TAMM41: variants seen among roughly 807,000 people sequenced by gnomAD.
TAMM41 encodes the protein phosphatidate cytidylyltransferase, mitochondrial.
A neutral mutation model predicts 44.1 loss-of-function variants in TAMM41; 36 were observed. That is an observed-to-expected ratio of 0.82 (90% CI 0.63 to 1.08). The LOEUF is 1.08. Ranked by LOEUF, TAMM41 falls within the 50% of genes least tolerant of loss-of-function variation. The pLI is 0.00. For synonymous variants in TAMM41, 164 were observed against 153.1 expected (o/e 1.07, Z -0.53); for missense variants, 417 against 404.3 (o/e 1.03, Z -0.27).
intron 3 of TAMM41, among the ~76,000 whole-genome samples, chr3:11,836,211 G>A (rs546507895): frequency 2.0e-5 from 3 of 152,022 alleles, no homozygotes; most frequent in Admixed American, 6.5e-5. Flanking sequence ...GGCTGTTCTC[G>A]AACTCTTGGC....
chr3:11,819,425 C>T (rs1156435555), intron 4 of TAMM41, among the ~76,000 whole-genome samples: 2 of 152,162 alleles, frequency 1.3e-5, no homozygotes, highest in South Asian at 2.1e-4. Flanking sequence ...TAAAAATATA[C>T]TACATATATA....
At chr3:11,842,989 A>G (rs2079519262) in intron 2 of TAMM41, among the ~76,000 whole-genome samples, 1 of 152,198 alleles carries the variant, frequency 6.6e-6, no homozygotes, top group Non-Finnish European at 1.5e-5. Flanking sequence ...AAGACAGTTC[A>G]GCAAAGTTCC....
chr3:11,730,681 C>T, the TAMM41 span, among the ~76,000 whole-genome samples: 1 of 152,208 alleles, frequency 6.6e-6, no homozygotes, highest in African/African-American at 2.4e-5. Flanking sequence ...TTGCAGTGAG[C>T]TGAGATCACG....
chr3:11,824,974 G>A (rs1406619702), intron 4 of TAMM41, among the ~76,000 whole-genome samples: 2 of 152,122 alleles, frequency 1.3e-5, no homozygotes, highest in Non-Finnish European at 2.9e-5. Context: ...GGTGGGTGTG[G>A]GGAGGGGAGG....
chr3:11,755,691 ATCCC>A, the TAMM41 span, among the ~76,000 whole-genome samples: 1 of 152,072 alleles, frequency 6.6e-6, no homozygotes, highest in African/African-American at 2.4e-5. Flanking sequence ...CTGGCAATGT[ATCCC>A]TCCCTCCAAG....
chr3:11,751,209 A>G, the TAMM41 span, among the ~76,000 whole-genome samples: 1 of 150,260 alleles, frequency 6.7e-6, no homozygotes. Flanking sequence ...CTCCTGCCTC[A>G]GCCTCCTGAG....
chr3:11,807,847 C>T lies in TAMM41; in HGVS notation c.923G>A (p.Gly308Asp), dbSNP rs1162624813. ...RPSSIRQSTK[G>D]IFTAGLKKSV... Reference sequence around the variant, plus strand: ...AAAGCTCTTACCAGCAGTAAAAATGCCTTTCGTGCTCTGTCTTATACTAGA... The same window carrying T: ...AAAGCTCTTACCAGCAGTAAAAATGTCTTTCGTGCTCTGTCTTATACTAGA... The change falls in exon 7 of 8, where the codon GGC becomes GAC. Residue 308 changes from glycine (G) to aspartate (D), a missense_variant. Gly to Asp is a moderately conservative substitution (Grantham distance 94). Transcript: ENST00000455809. 2.6e-6 allele frequency: 4 copies of T among 1,536,134 alleles called. No individual in the cohort carries two copies. Among genetic ancestry groups the T allele is most frequent in the Non-Finnish European group, 3.5e-6 (4 of 1,146,922 alleles).
In TAMM41 at chr3:11,839,241, G is replaced by A. The variant is rs1355635084; in HGVS notation, c.392C>T (p.Ala131Val). The part of the protein sequence containing the change: ...DLLNWNNLYI[A>V]GRLQKPVKII... ...ACTCACCGGTTTTTGGAGTCGTCCA[G>A]CAATGTATAAGTTATTCCAGTTGAG... The change falls in exon 3 of 8, where the codon GCT becomes GTT. Residue 131 changes from alanine to valine, a missense_variant. Physicochemically the swap from Ala to Val is moderately conservative, Grantham distance 64 (BLOSUM62 0). Transcript: ENST00000455809. 1 of 1,612,982 alleles carries A rather than the reference G, an allele frequency of 6.2e-7. No individual in the cohort carries two copies. The highest frequency in any genetic ancestry group is 1.3e-5 in the African/African-American group (1 of 74,886).
the TAMM41 span, among the ~76,000 whole-genome samples, chr3:11,739,905 C>A: frequency 6.6e-6 from 1 of 152,108 alleles, no homozygotes; most frequent in African/African-American, 2.4e-5. Flanking sequence ...TTATTCACTG[C>A]AGAATCCAGT....
At chr3:11,728,676 G>T in the TAMM41 span, among the ~76,000 whole-genome samples, 6 of 152,188 alleles carry the variant, frequency 3.9e-5, no homozygotes, top group Admixed American at 2.6e-4. Flanking sequence ...AGCTGTGATT[G>T]AGGGCGATGT....
the TAMM41 span, among the ~76,000 whole-genome samples, chr3:11,769,073 C>T: frequency 6.6e-6 from 1 of 152,048 alleles, no homozygotes; most frequent in Non-Finnish European, 1.5e-5. Context: ...GGGAGTGGAC[C>T]ACGTCATGAA....
chr3:11,749,923 A>AG, the TAMM41 span, among the ~76,000 whole-genome samples: 1 of 142,814 alleles, frequency 7.0e-6, no homozygotes, highest in Non-Finnish European at 1.5e-5. Flanking sequence ...TTTTTGACGG[A>AG]GTCTTGCTCT....
At chr3:11,809,753 G>A (rs1575633286) in intron 5 of TAMM41, 71 bp from the exon 6 acceptor site, 10 of 1,495,760 alleles carry the variant, frequency 6.7e-6, no homozygotes, top group Admixed American at 2.3e-5. Flanking sequence ...AAAACTCAGG[G>A]CTTCTCTTTA....
At chr3:11,725,305 CTTTTTT>C in the TAMM41 span, among the ~76,000 whole-genome samples, 1 of 81,116 alleles carries the variant, frequency 1.2e-5, no homozygotes, top group African/African-American at 4.5e-5. Context: ...TCTCCTCCTC[CTTTTTT>C]TCTTCTCCTC....
chr3:11,799,087 T>A (rs1423282137), intron 7 of TAMM41, among the ~76,000 whole-genome samples: 1 of 151,892 alleles, frequency 6.6e-6, no homozygotes, highest in Admixed American at 6.6e-5. Flanking sequence ...CAGCCAGGTG[T>A]GGTATTGCAT....
chr3:11,758,574 T>G, the TAMM41 span, among the ~76,000 whole-genome samples: 1 of 152,102 alleles, frequency 6.6e-6, no homozygotes, highest in Non-Finnish European at 1.5e-5. Flanking sequence ...CTGTCTCAAA[T>G]TCCTGACCTC....
chr3:11,820,637 G>C (rs1477352915), intron 4 of TAMM41, among the ~76,000 whole-genome samples: 1 of 152,148 alleles, frequency 6.6e-6, no homozygotes, highest in Non-Finnish European at 1.5e-5. Context: ...AAGCAAATGG[G>C]CTTATGACTC....
chr3:11,735,224 G>A, the TAMM41 span, among the ~76,000 whole-genome samples: 1 of 152,086 alleles, frequency 6.6e-6, no homozygotes, highest in African/African-American at 2.4e-5. Flanking sequence ...CAGGCATGGT[G>A]GTGCATGCCT....
the TAMM41 span, among the ~76,000 whole-genome samples, chr3:11,775,711 G>A: frequency 2.6e-5 from 4 of 152,166 alleles, no homozygotes; most frequent in East Asian, 1.9e-4. Flanking sequence ...CAACCTAAGC[G>A]TCTGTTGACA....
Sources: allele counts gnomAD v4.1 joint callset (sites outside exome capture counted in the v4.1 genomes callset), GRCh38; gene constraint gnomAD v4.1.1; transcripts MANE v1.5; gene names NCBI Gene and HGNC (gene_info 2026-07-23, HGNC 2026-07-21).